IFT74: variants seen among roughly 807,000 people sequenced by gnomAD.
IFT74 encodes intraflagellar transport protein 74 homolog.
IFT74 carries 92 observed loss-of-function variants against 96.7 expected under a neutral mutation model. The ratio of observed to expected loss-of-function variants is 0.95; its 90% CI spans 0.80 to 1.13. The LOEUF (loss-of-function observed/expected upper bound fraction) is 1.13, where lower values mean the gene tolerates loss of function less well. Ranked by LOEUF, IFT74 falls within the 50% of genes most tolerant of loss-of-function variation. The probability of loss-of-function intolerance (pLI) is 0.00; values close to 1 mark genes in which losing one functional copy is unlikely to be tolerated. For missense variants in IFT74, 811 were observed against 698.2 expected, an observed-to-expected ratio of 1.16 and a Z score of -1.82; for synonymous variants, 223 against 213.2, an observed-to-expected ratio of 1.05 and a Z score of -0.40.
In IFT74 at chr9:26,999,612, A is replaced by G. The variant is rs879510326; in HGVS notation, c.588-9408A>G. On this transcript the variant is annotated intron_variant, in intron 8 of 19. Coordinates refer to ENST00000380062, the MANE Select transcript of IFT74 (RefSeq NM_025103.4). ...TTTACTATTTTGATTGTAAAAACTT[A>G]CTCTTTTAGAAGACTGGATTTTGTC... The G allele has an allele frequency of 2.5e-6, 4 of 1,577,170 alleles. No homozygotes were observed. The Admixed American group carries it at 5.4e-5, about 21-fold the overall frequency.
intron 18 of IFT74, among the ~76,000 whole-genome samples, chr9:27,058,353 T>G (rs1386520760): frequency 6.6e-6 from 1 of 151,974 alleles, no homozygotes; most frequent in Admixed American, 6.6e-5. Context: ...CCTCCCAAAG[T>G]GCTGGGATCA....
chr9:26,997,980 C>G (rs778011758), intron 8 of IFT74: 21 of 1,613,706 alleles, frequency 1.3e-5, no homozygotes, highest in Non-Finnish European at 1.7e-5. Flanking sequence ...AAAAATGCAC[C>G]CTGTTGAATT....
chr9:27,055,907 A>G, intron 17 of IFT74, 135 bp downstream of exon 17: 5 of 587,102 alleles, frequency 8.5e-6, no homozygotes, highest in African/African-American at 2.0e-5. Context: ...AAAAATAAAA[A>G]TGTTTACATA....
chr9:26,949,504 T>C (rs555254553), intron 1 of IFT74, among the ~76,000 whole-genome samples: 15 of 152,248 alleles, frequency 9.9e-5, no homozygotes, highest in African/African-American at 3.4e-4. Flanking sequence ...CTTATAAAAG[T>C]TTTCCCCTCG....
chr9:27,004,258 GA>G (rs1324353209), intron 8 of IFT74, among the ~76,000 whole-genome samples: 2 of 152,052 alleles, frequency 1.3e-5, no homozygotes, highest in African/African-American at 4.8e-5. Context: ...TGCGCTAAAA[GA>G]AAAAAATCAT....
intron 2 of IFT74, 60 bp from the exon 3 acceptor site, chr9:26,978,068 A>G (rs1827200461): frequency 3.5e-6 from 5 of 1,432,548 alleles, no homozygotes; most frequent in Non-Finnish European, 4.7e-6. Context: ...CAGTTTTACA[A>G]TAAAAGATGT....
In IFT74 at chr9:27,024,452, T is replaced by C. The variant is rs1357714621; in HGVS notation, c.975-4573T>C. Among the ~76,000 whole-genome samples, 11 of 152,226 alleles carry C rather than the reference T, an allele frequency of 7.2e-5. No homozygotes were observed. In the East Asian group the frequency reaches 2.1e-3, roughly 29 times the overall value. On this transcript the variant is annotated intron_variant, in intron 12 of 19. Transcript: ENST00000380062. ...AGTCTGGCTCTCAGGAAGCCCCATC[T>C]CTAGGGAAAGGGAGAGAGCACCACA...
chr9:27,020,132 T>C (rs1407806535), intron 12 of IFT74, among the ~76,000 whole-genome samples: 1 of 151,804 alleles, frequency 6.6e-6, no homozygotes, highest in African/African-American at 2.4e-5. Flanking sequence ...CACAGCACCA[T>C]ACCCGGCTAA....
chr9:27,019,496 C>A (rs1829499527), intron 12 of IFT74, among the ~76,000 whole-genome samples: 2 of 151,352 alleles, frequency 1.3e-5, no homozygotes. Flanking sequence ...CTGTTCTGTT[C>A]CAAGGCTCAT....
chr9:27,060,961 CAAAAAAAAAAAAA>C lies in IFT74; in HGVS notation c.1684+328_1684+340del, dbSNP rs752655360. ...TGGGCGACAGAGCAAGACTCCATCT[CAAAAAAAAAAAAA>C]AAAAAAAAAAAAAAAAAGCTGAAAA... On this transcript the variant is annotated intron_variant, in intron 19 of 19. Transcript: ENST00000380062. The C allele has an allele frequency of 5.8e-3, 224 of 38,344 alleles. 2 individuals are homozygous for C. Among genetic ancestry groups the C allele is most frequent in the African/African-American group, 0.026 (211 of 8,226 alleles). The allele number at this position is 38,344 out of a possible 1,614,324, so 2.4% of individuals were successfully genotyped here. A position where few individuals can be genotyped will look rare whatever the true frequency, so the allele number is the denominator to read the frequency against.
chr9:27,054,006 T>C (rs1414433741), intron 16 of IFT74, among the ~76,000 whole-genome samples: 3 of 152,248 alleles, frequency 2.0e-5, no homozygotes, highest in African/African-American at 4.8e-5. Flanking sequence ...CATACACATA[T>C]ATATTTTTAA....
chr9:27,018,563 T>C, intron 11 of IFT74, 84 bp from the exon 12 acceptor site: 1 of 681,404 alleles, frequency 1.5e-6, no homozygotes, highest in Non-Finnish European at 2.5e-6. Flanking sequence ...TTAGTACAAT[T>C]GTACTCTAGA....
chr9:27,021,019 A>G (rs936789756), intron 12 of IFT74, among the ~76,000 whole-genome samples: 3 of 152,066 alleles, frequency 2.0e-5, no homozygotes, highest in Non-Finnish European at 2.9e-5. Flanking sequence ...GAGAACATAC[A>G]ATGTTTGGTT....
At chr9:26,999,768 T>TTC in intron 8 of IFT74, 1 of 988,400 alleles carries the variant, frequency 1.0e-6, no homozygotes, top group Admixed American at 3.0e-5. Flanking sequence ...AATCTGTTTA[T>TTC]TCTTTTTTTT....
chr9:26,973,043 A>C (rs1231662826), intron 2 of IFT74, among the ~76,000 whole-genome samples: 1 of 152,190 alleles, frequency 6.6e-6, no homozygotes, highest in Non-Finnish European at 1.5e-5. Context: ...CCTTGGGGTA[A>C]GACTGTCCAT....
intron 2 of IFT74, among the ~76,000 whole-genome samples, chr9:26,975,808 G>T (rs1827089958): frequency 6.6e-6 from 1 of 152,136 alleles, no homozygotes; most frequent in African/African-American, 2.4e-5. Context: ...TCGTATTAGA[G>T]ATTTCTTGCC....
At chr9:26,986,598 T>A (rs1827648842) in intron 6 of IFT74, among the ~76,000 whole-genome samples, 1 of 152,126 alleles carries the variant, frequency 6.6e-6, no homozygotes, top group Non-Finnish European at 1.5e-5. Context: ...ATTACAGGCT[T>A]GAGTCATTGT....
intron 1 of IFT74, among the ~76,000 whole-genome samples, chr9:26,958,751 G>T (rs1826226153): frequency 6.6e-6 from 1 of 152,172 alleles, no homozygotes; most frequent in Admixed American, 6.5e-5. Context: ...CGCAAGCTGA[G>T]TGCTAAAATA....
At chr9:27,019,442 G>A (rs10812513) in intron 12 of IFT74, among the ~76,000 whole-genome samples, 2 of 151,710 alleles carry the variant, frequency 1.3e-5, no homozygotes, top group Admixed American at 6.6e-5. Context: ...TTGCTTTCTC[G>A]AAGATCAGCT....
Sources: allele counts gnomAD v4.1 joint callset (sites outside exome capture counted in the v4.1 genomes callset), GRCh38; gene constraint gnomAD v4.1.1; transcripts MANE v1.5; gene names NCBI Gene and HGNC (gene_info 2026-07-23, HGNC 2026-07-21).